Variants in CYP2J2 observed in about 807,000 individuals in gnomAD.
The protein encoded by CYP2J2 is cytochrome P450 2J2.
A neutral mutation model predicts 48.8 loss-of-function variants in CYP2J2; 41 were observed. The ratio of observed to expected loss-of-function variants is 0.84; its 90% CI spans 0.66 to 1.09. CYP2J2 has a LOEUF of 1.09. Ranked by LOEUF, CYP2J2 falls within the 50% of genes least tolerant of loss-of-function variation. CYP2J2 has a pLI of 0.00. For synonymous variants in CYP2J2, 221 were observed against 227.1 expected (o/e 0.97, Z 0.24); for missense variants, 644 against 617.3 (o/e 1.04, Z -0.46).
At chr1:59,942,337 G>A in the CYP2J2 span, among the ~76,000 whole-genome samples, 2 of 151,984 alleles carry the variant, frequency 1.3e-5, no homozygotes, top group East Asian at 1.9e-4. Flanking sequence ...TGAGGGGAGG[G>A]GGAAGCATTC....
intron 1 of CYP2J2, among the ~76,000 whole-genome samples, chr1:59,917,879 C>G (rs1644480849): frequency 6.6e-6 from 1 of 152,172 alleles, no homozygotes. Flanking sequence ...TCTCCACAAT[C>G]CAGATGCCTT....
the CYP2J2 span, among the ~76,000 whole-genome samples, chr1:59,965,880 G>A: frequency 6.6e-6 from 1 of 152,094 alleles, no homozygotes; most frequent in Non-Finnish European, 1.5e-5. Context: ...TCAAACTCCT[G>A]ACCTCAGGTG....
chr1:59,916,604 A>G (rs921264598), intron 1 of CYP2J2, among the ~76,000 whole-genome samples: 2 of 152,092 alleles, frequency 1.3e-5, no homozygotes, highest in African/African-American at 4.8e-5. Context: ...ATGGTGGTAC[A>G]TGCCTGTGGA....
Position 59,893,607 on chromosome 1 carries a change from G to A in CYP2J2, c.*44C>T, listed in dbSNP as rs760109987. ...AGACACCAGTGGTTTCAGAACACGTGCCATGTCTTCTTACTTTCCTTGCCC... is the reference window on the plus strand; with the variant it reads ...AGACACCAGTGGTTTCAGAACACGTACCATGTCTTCTTACTTTCCTTGCCC... On this transcript the variant is annotated 3_prime_UTR_variant, in exon 9 of 9. Transcript: ENST00000371204. The A allele has an allele frequency of 1.1e-5, 16 of 1,460,134 alleles. No homozygotes were observed. The highest frequency in any genetic ancestry group is 1.5e-5 in the Non-Finnish European group (16 of 1,072,110). 90.4% of individuals were successfully genotyped at this position (1,460,134 alleles called of 1,614,324 possible).
chr1:59,937,628 G>T, the CYP2J2 span, among the ~76,000 whole-genome samples: 1 of 152,052 alleles, frequency 6.6e-6, no homozygotes, highest in Admixed American at 6.5e-5. Flanking sequence ...GGAGCTCTTT[G>T]TTATTATCCC....
chr1:59,965,718 C>CT, the CYP2J2 span, among the ~76,000 whole-genome samples: 2 of 152,132 alleles, frequency 1.3e-5, no homozygotes, highest in African/African-American at 2.4e-5. Context: ...GTGGTGTGAT[C>CT]TTGGCTCACT....
chr1:59,926,851 C>T (rs769483242), upstream of CYP2J2: 11 of 1,062,896 alleles, frequency 1.0e-5, no homozygotes, highest in Admixed American at 2.4e-4. Flanking sequence ...CCTCCCAGCC[C>T]GCCCCTTCGC....
At position 59,907,851 on chromosome 1, in the gene CYP2J2, G is replaced by A; in HGVS notation, c.938C>T (p.Thr313Ile). ...TCGCAGAGTTGTGGAAGTTGTCTCGGTTCCGGCAAAGAAGAGGTCCAGGGT... is the reference window on the plus strand; with the variant it reads ...TCGCAGAGTTGTGGAAGTTGTCTCGATTCCGGCAAAGAAGAGGTCCAGGGT... ...CSTLDLFFAG[T>I]ETTSTTLRWA... Residue 313 changes from threonine to isoleucine, a missense_variant, in exon 6 of 9, where the codon ACC (threonine) becomes ATC (isoleucine). By Grantham distance (89) the Thr-to-Ile change is moderately conservative (BLOSUM62 -1). Coordinates refer to ENST00000371204, the MANE Select transcript of CYP2J2 (RefSeq NM_000775.4). The A allele has an allele frequency of 6.2e-7, 1 of 1,614,098 alleles. No individual in the cohort carries two copies. The highest frequency in any genetic ancestry group is 8.5e-7 in the Non-Finnish European group (1 of 1,179,994).
At chr1:59,949,150 C>T in the CYP2J2 span, among the ~76,000 whole-genome samples, 6 of 152,110 alleles carry the variant, frequency 3.9e-5, no homozygotes, top group African/African-American at 9.7e-5. Flanking sequence ...CTGTTGTTGC[C>T]TATATTACTG....
Position 59,893,410 on chromosome 1 carries a change from A to G in CYP2J2, c.*241T>C. 2.5e-6 allele frequency: 1 copy of G among 401,998 alleles called. No homozygotes were observed. The highest frequency in any genetic ancestry group is 4.4e-6 in the Non-Finnish European group (1 of 226,894). The allele number at this position is 401,998 out of a possible 1,614,324, so 24.9% of individuals were successfully genotyped here. A position where few individuals can be genotyped will look rare whatever the true frequency, so the allele number is the denominator to read the frequency against. The stretch of plus-strand genomic sequence containing the variant: ...AACTTTCTTTATGGAAGGAAACATT[A>G]TCCTCTTTTCATCTCCTAGATAAAA... On this transcript the variant is annotated 3_prime_UTR_variant, in exon 9 of 9. Transcript: ENST00000371204.
chr1:59,898,140 C>A (rs1644285633), intron 8 of CYP2J2, among the ~76,000 whole-genome samples: 1 of 152,212 alleles, frequency 6.6e-6, no homozygotes, highest in Non-Finnish European at 1.5e-5. Context: ...GGATCCACAT[C>A]ATTTGCAATG....
At chr1:59,954,138 C>T in the CYP2J2 span, among the ~76,000 whole-genome samples, 2 of 152,160 alleles carry the variant, frequency 1.3e-5, no homozygotes, top group East Asian at 3.8e-4. Flanking sequence ...AAGTGTGTCA[C>T]ATCCACTCCT....
chr1:59,935,019 T>TATATATATATATATATATAC, the CYP2J2 span, among the ~76,000 whole-genome samples: 5 of 41,934 alleles, frequency 1.2e-4, no homozygotes, highest in Non-Finnish European at 1.4e-4. Flanking sequence ...TATATACATA[T>TATATATATATATATATATAC]ATATATATAT....
intron 8 of CYP2J2, among the ~76,000 whole-genome samples, chr1:59,897,126 T>G (rs1221489328): frequency 6.6e-6 from 1 of 152,218 alleles, no homozygotes; most frequent in East Asian, 1.9e-4. Context: ...CCCAACAGTG[T>G]GTGTCTAATT....
chr1:59,965,704 G>A, the CYP2J2 span, among the ~76,000 whole-genome samples: 5 of 151,968 alleles, frequency 3.3e-5, no homozygotes, highest in Admixed American at 6.6e-5. Context: ...CAGGCTGGAG[G>A]GCAGTGGTGT....
At chr1:59,905,709 C>A (rs1644358995) in intron 6 of CYP2J2, among the ~76,000 whole-genome samples, 1 of 152,232 alleles carries the variant, frequency 6.6e-6, no homozygotes, top group African/African-American at 2.4e-5. Context: ...GAGGATAAAT[C>A]TACCTTCATC....
the CYP2J2 span, among the ~76,000 whole-genome samples, chr1:59,968,362 G>C: frequency 4.6e-5 from 7 of 151,678 alleles, no homozygotes; most frequent in South Asian, 1.5e-3. Context: ...TTTCTGTCTT[G>C]CCTCCCCAAC....
intron 8 of CYP2J2, among the ~76,000 whole-genome samples, chr1:59,897,161 C>T (rs1410829447): frequency 1.3e-5 from 2 of 152,176 alleles, no homozygotes; most frequent in Admixed American, 1.3e-4. Flanking sequence ...TCACCTTTAT[C>T]TCTTTATCCA....
chr1:59,912,493 T>C (rs1244895676), intron 2 of CYP2J2, 182 bp from the exon 3 acceptor site: 1 of 600,300 alleles, frequency 1.7e-6, no homozygotes, highest in Non-Finnish European at 2.9e-6. Flanking sequence ...TTGCTTGCAA[T>C]GGCAGGCACT....
Sources: gnomAD v4.1 joint callset for allele counts (sites outside exome capture counted in the v4.1 genomes callset) on GRCh38, gnomAD v4.1.1 for gene constraint, MANE v1.5 for transcripts, NCBI Gene and HGNC (gene_info 2026-07-23, HGNC 2026-07-21) for gene names.